DYNC2H1: variants seen among roughly 807,000 people sequenced by gnomAD.
DYNC2H1 encodes cytoplasmic dynein 2 heavy chain 1.
In DYNC2H1, 410 loss-of-function variants were observed where a neutral mutation model predicts 570.0. The ratio of observed to expected loss-of-function variants is 0.72; its 90% CI spans 0.66 to 0.78. DYNC2H1 has a LOEUF of 0.78. Ranked by LOEUF, DYNC2H1 falls within the 30% of genes least tolerant of loss-of-function variation. The pLI, the probability that DYNC2H1 is intolerant of heterozygous loss-of-function variation, is 0.00. For synonymous variants in DYNC2H1, 1,688 were observed against 1,677.6 expected (o/e 1.01, Z -0.15); for missense variants, 4,865 against 5,046.4 (o/e 0.96, Z 1.09).
At position 103,254,187 on chromosome 11, in the gene DYNC2H1, C is replaced by G. The variant is rs1864952845; in HGVS notation, c.10206+739C>G. Among the ~76,000 whole-genome samples the G allele has an allele frequency of 6.6e-6, 1 of 152,014 alleles. No individual in the cohort carries two copies. The highest frequency in any genetic ancestry group is 6.6e-5 in the Admixed American group (1 of 15,254). On this transcript the variant is annotated intron_variant, in intron 66 of 88. Coordinates refer to ENST00000375735, the MANE Select transcript of DYNC2H1 (RefSeq NM_001377.3). The surrounding 1 kb of genome is among the most constrained non-coding windows in gnomAD (Gnocchi z 4.9). Reference sequence around the variant, plus strand: ...GACTCATCAAGTATATTTTAATGAACAATATCTTTTGATTGACTTGATGAT... The same window carrying G: ...GACTCATCAAGTATATTTTAATGAAGAATATCTTTTGATTGACTTGATGAT...
rs974951191 is a variant in DYNC2H1, at chr11:103,461,790, G to A, written c.12648+5434G>A. On this transcript the variant is annotated intron_variant, in intron 87 of 88. Transcript: ENST00000375735. The surrounding 1 kb of genome is among the most constrained non-coding windows in gnomAD (Gnocchi z 4.8). ...AAACATTTTAAACAAATACAGAAGA[G>A]AGAGTAGTAAAATGAGTCTGCATAT... Among the ~76,000 whole-genome samples the A allele has an allele frequency of 5.9e-5, 9 of 151,948 alleles. 1 individual carries two copies.
Position 103,116,689 on chromosome 11 carries a change from A to G in DYNC2H1, c.741A>G (p.Arg247=). The G allele has an allele frequency of 6.2e-7, 1 of 1,603,798 alleles. No individual in the cohort carries two copies. The highest frequency in any genetic ancestry group is 8.5e-7 in the Non-Finnish European group (1 of 1,174,458). ...AACATGATCATTATCCTGAGTCACG[A>G]ATGTTGCATCTCTTAGACATCATAG... ...QTEHDHYPES[R]MLHLLDIIGG... The change falls in exon 5 of 89, where the codon CGA becomes CGG. Residue 247 remains arginine (R), a synonymous_variant. Coordinates refer to ENST00000375735, the MANE Select transcript of DYNC2H1 (RefSeq NM_001377.3).
chr11:103,374,176 A>G (rs535725162), intron 83 of DYNC2H1, among the ~76,000 whole-genome samples: 1 of 152,166 alleles, frequency 6.6e-6, no homozygotes, highest in South Asian at 2.1e-4. Flanking sequence ...CACAAATCTC[A>G]TCTTGAATTG....
rs1861872710 is a variant in DYNC2H1, at chr11:103,177,486, C to T, written c.5875-70C>T. 2.0e-6 allele frequency: 3 copies of T among 1,475,898 alleles called. No individual in the cohort carries two copies. The highest frequency in any genetic ancestry group is 2.5e-5 in the Admixed American group (1 of 40,010). 91.4% of individuals were successfully genotyped at this position (1,475,898 alleles called of 1,614,324 possible). A position where few individuals can be genotyped will look rare whatever the true frequency, so the allele number is the denominator to read the frequency against. ...AATTTACACATTAGAACAAGTGTTA[C>T]AGAATAAAAGCAGAACTAAGTATGA... On this transcript the variant is annotated intron_variant, in intron 37 of 88. Transcript: ENST00000375735. The surrounding 1 kb of genome is among the most constrained non-coding windows in gnomAD (Gnocchi z 4.4).
chr11:103,282,994 T>A lies in DYNC2H1; in HGVS notation c.10813-14T>A, dbSNP rs371216684. 7 of 1,587,594 alleles carry A rather than the reference T, an allele frequency of 4.4e-6. No homozygotes were observed. Among genetic ancestry groups the A allele is most frequent in the Non-Finnish European group, 6.0e-6 (7 of 1,165,800 alleles). On this transcript the variant is annotated splice_polypyrimidine_tract_variant and intron_variant, in intron 72 of 88. Transcript: ENST00000375735. The stretch of plus-strand genomic sequence containing the variant: ...TACCAAGTATACTAAGGAAAATAAT[T>A]GCTTTTATTAAAGGACTCTCAACAA...
chr11:103,200,212 G>C (rs1429492986), intron 50 of DYNC2H1, 58 bp downstream of exon 50: 2 of 1,289,352 alleles, frequency 1.6e-6, no homozygotes, highest in Non-Finnish European at 2.1e-6. Context: ...AATTATCCAA[G>C]TAAAATTATC....
chr11:103,471,524 G>A (rs771454908), intron 88 of DYNC2H1, among the ~76,000 whole-genome samples: 13 of 152,182 alleles, frequency 8.5e-5, no homozygotes, highest in Non-Finnish European at 1.9e-4. Context: ...GTAGGATCAT[G>A]TTGAGGATTA....
At position 103,177,887 on chromosome 11, in the gene DYNC2H1, A is replaced by G; in HGVS notation, c.6139+67A>G. 6.7e-7 allele frequency: 1 copy of G among 1,494,360 alleles called. No homozygotes were observed. The highest frequency in any genetic ancestry group is 8.9e-7 in the Non-Finnish European group (1 of 1,121,004). 92.6% of individuals were successfully genotyped at this position (1,494,360 alleles called of 1,614,324 possible). A position where few individuals can be genotyped will look rare whatever the true frequency, so the allele number is the denominator to read the frequency against. ...TTAGATAATGATATAATTTGTCTAT[A>G]ATGCTGTCTTTGTCAAGACTTCTAC... On this transcript the variant is annotated intron_variant, in intron 38 of 88. Transcript: ENST00000375735. This position sits in a 1 kb window ranked among gnomAD's most constrained non-coding sequence, Gnocchi z 4.4.
rs561465936 is a variant in DYNC2H1 at position 103,340,466 on chromosome 11, G to A, written c.12039+16476G>A. ...GCCTTATCTTTAGCTTCTATCCTCA[G>A]TAATTCTTCACAGCAGTAAACTTTC... On this transcript the variant is annotated intron_variant, in intron 82 of 88. Transcript: ENST00000375735. 2.0e-5 allele frequency among the ~76,000 whole-genome samples: 3 copies of A among 152,248 alleles called. No individual in the cohort carries two copies. In the East Asian group the frequency reaches 5.8e-4, roughly 29 times the overall value.
At chr11:103,356,758 A>G (rs750826361) in intron 82 of DYNC2H1, among the ~76,000 whole-genome samples, 2 of 152,222 alleles carry the variant, frequency 1.3e-5, no homozygotes, top group Non-Finnish European at 2.9e-5. Context: ...CTCTGGAAGT[A>G]ACTTGAGTTT....
intron 85 of DYNC2H1, among the ~76,000 whole-genome samples, chr11:103,453,849 T>C (rs1050072101): frequency 2.6e-5 from 4 of 151,788 alleles, no homozygotes; most frequent in Non-Finnish European, 2.9e-5. Context: ...CGAAAGAAAT[T>C]AGCAGATAAT....
intron 85 of DYNC2H1, among the ~76,000 whole-genome samples, chr11:103,438,502 G>A (rs1944140322): frequency 6.7e-6 from 1 of 149,674 alleles, no homozygotes; most frequent in Non-Finnish European, 1.5e-5. Flanking sequence ...ATAATGATCA[G>A]ACTCAATCCA....
At chr11:103,434,642 A>G (rs1943999895) in intron 84 of DYNC2H1, among the ~76,000 whole-genome samples, 1 of 152,032 alleles carries the variant, frequency 6.6e-6, no homozygotes, top group Non-Finnish European at 1.5e-5. Context: ...TGCAGAACAA[A>G]TCTCACCAAA....
At position 103,299,199 on chromosome 11, in the gene DYNC2H1, TC is replaced by T. The variant is rs1439953956; in HGVS notation, c.11096-3892del. On this transcript the variant is annotated intron_variant, in intron 75 of 88. Coordinates refer to ENST00000375735, the MANE Select transcript of DYNC2H1 (RefSeq NM_001377.3). This position sits in a 1 kb window ranked among gnomAD's most constrained non-coding sequence, Gnocchi z 4.5. ...AAGTTATTTTTGAACTATGCATCTT[TC>T]CTAGTTTTACAGTTCTGTACCTCTT... Among the ~76,000 whole-genome samples the T allele has an allele frequency of 1.3e-5, 2 of 152,128 alleles. No individual in the cohort carries two copies. The highest frequency in any genetic ancestry group is 2.9e-5 in the Non-Finnish European group (2 of 68,014).
intron 78 of DYNC2H1, among the ~76,000 whole-genome samples, chr11:103,308,192 C>G (rs1867393115): frequency 6.6e-6 from 1 of 152,028 alleles, no homozygotes; most frequent in African/African-American, 2.4e-5. Context: ...TTCATTTTGC[C>G]CTATCCTCTG....
chr11:103,154,699 A>G lies in DYNC2H1; in HGVS notation c.3463A>G (p.Lys1155Glu), dbSNP rs1472273813. Residue 1155 changes from lysine to glutamate, a missense_variant, in exon 24 of 89, where the codon AAG becomes GAG. This residue lies in a region of DYNC2H1 where 1,936 missense variants were observed against 1,962.1 expected (regional missense o/e 0.99). Coordinates refer to ENST00000375735, the MANE Select transcript of DYNC2H1 (RefSeq NM_001377.3). ...TGTGTTTTTGGTATTTTATAGGACT[A>G]AGACATACCTGTTTGAGGAATTTTT... ...ANEDWITFRTKTYLFEEFLMN... is the reference protein window; with the variant it reads ...ANEDWITFRTETYLFEEFLMN... 1 of 1,568,614 alleles carries G rather than the reference A, an allele frequency of 6.4e-7. No individual in the cohort carries two copies. Among genetic ancestry groups the G allele is most frequent in the Non-Finnish European group, 8.6e-7 (1 of 1,156,822 alleles).
intron 85 of DYNC2H1, among the ~76,000 whole-genome samples, chr11:103,445,864 G>GA (rs1944406690): frequency 6.6e-6 from 1 of 152,120 alleles, no homozygotes; most frequent in Non-Finnish European, 1.5e-5. Flanking sequence ...ATGTTAGCCA[G>GA]GATGGTCTCA....
At chr11:103,412,250 A>ACTATGTGTGACACGATTGGAG in intron 84 of DYNC2H1, among the ~76,000 whole-genome samples, 1 of 152,248 alleles carries the variant, frequency 6.6e-6, no homozygotes, top group East Asian at 1.9e-4. Flanking sequence ...CATTTTCTTT[A>ACTATGTGTGACACGATTGGAG]CTATGTGTGA....
In DYNC2H1 at chr11:103,241,273, A is replaced by G. The variant is rs1467003081; in HGVS notation, c.9820-2420A>G. Among the ~76,000 whole-genome samples, 1 of 152,172 alleles carries G rather than the reference A, an allele frequency of 6.6e-6. No individual in the cohort carries two copies. The highest frequency in any genetic ancestry group is 1.5e-5 in the Non-Finnish European group (1 of 68,032). On this transcript the variant is annotated intron_variant, in intron 63 of 88. Coordinates refer to ENST00000375735, the MANE Select transcript of DYNC2H1 (RefSeq NM_001377.3). This position sits in a 1 kb window ranked among gnomAD's most constrained non-coding sequence, Gnocchi z 5.1. ...ATAGTTGTTATCCAACATATAGTAG[A>G]TGAAGTAACGAACAAATGAGTAAAT... is the stretch of plus-strand genomic sequence containing the variant.
Sources: allele counts gnomAD v4.1 joint callset (sites outside exome capture counted in the v4.1 genomes callset), GRCh38; gene constraint gnomAD v4.1.1; regional missense constraint gnomAD v4.1.1; non-coding constraint Gnocchi (gnomAD v3.1); transcripts MANE v1.5; gene names NCBI Gene and HGNC (gene_info 2026-07-23, HGNC 2026-07-21).